The following RIPK1 variants were observed in gnomAD, a reference collection of about 807,000 sequenced individuals.
RIPK1 encodes the protein receptor-interacting serine/threonine-protein kinase 1.
A neutral mutation model predicts 62.4 loss-of-function variants in RIPK1; 27 were observed. That is an observed-to-expected ratio of 0.43 (90% confidence interval 0.32 to 0.60). RIPK1 has a LOEUF of 0.60. Ranked by LOEUF, RIPK1 falls within the 20% of genes least tolerant of loss-of-function variation. The probability of loss-of-function intolerance (pLI) is 0.07; values close to 1 mark genes in which losing one functional copy is unlikely to be tolerated. For synonymous variants in RIPK1, 287 were observed against 303.2 expected (o/e 0.95, Z 0.55); for missense variants, 735 against 831.0 (o/e 0.88, Z 1.42).
At position 3,114,036 on chromosome 6, in the gene RIPK1, A is replaced by G. The variant is rs939163969; in HGVS notation, c.*697A>G. The G allele has an allele frequency of 2.6e-5, 4 of 152,222 alleles. No homozygotes were observed. The highest frequency in any genetic ancestry group is 7.2e-5 in the African/African-American group (3 of 41,456). 9.4% of individuals were successfully genotyped at this position (152,222 alleles called of 1,614,324 possible). A position where few individuals can be genotyped will look rare whatever the true frequency, so the allele number is the denominator to read the frequency against. ...TAAATTATCGATTATTTTTTAATGA[A>G]TTGAATTTATATTGAGTCTTCAAAT... is the stretch of plus-strand genomic sequence containing the variant. On this transcript the variant is annotated 3_prime_UTR_variant, in exon 11 of 11. Coordinates refer to ENST00000259808, the MANE Select transcript of RIPK1 (RefSeq NM_001354930.2). The surrounding 1 kb of genome is among the most constrained non-coding windows in gnomAD (Gnocchi z 5.0).
At chr6:3,065,084 A>G (rs1436545494), upstream of RIPK1, among the ~76,000 whole-genome samples, 1 of 151,600 alleles carries the variant, frequency 6.6e-6, no homozygotes, top group African/African-American at 2.4e-5. Context: ...CTACTAAAAA[A>G]AAGAAAAAAA....
At chr6:3,066,099 C>G (rs1225161008), upstream of RIPK1, among the ~76,000 whole-genome samples, 3 of 152,174 alleles carry the variant, frequency 2.0e-5, no homozygotes, top group Non-Finnish European at 4.4e-5. Context: ...TCTTGGCTCA[C>G]TGCAACCTCC....
At chr6:3,085,930 T>C (rs1759666070) in intron 6 of RIPK1, among the ~76,000 whole-genome samples, 1 of 152,264 alleles carries the variant, frequency 6.6e-6, no homozygotes, top group Admixed American at 6.5e-5. Context: ...TTTCTTTCCT[T>C]TTCAAGGCTG....
At chr6:3,065,587 C>T (rs1758347012), upstream of RIPK1, among the ~76,000 whole-genome samples, 1 of 151,820 alleles carries the variant, frequency 6.6e-6, no homozygotes, top group East Asian at 2.0e-4. Context: ...CCAGGCTCAC[C>T]TGGAGGAGTC....
chr6:3,073,318 T>G (rs1167393905), intron 1 of RIPK1, among the ~76,000 whole-genome samples: 3 of 150,832 alleles, frequency 2.0e-5, no homozygotes, highest in Admixed American at 6.6e-5. Flanking sequence ...GAACGTATAC[T>G]TTTTTTTTCT....
At chr6:3,077,639 G>T (rs529755370) in intron 2 of RIPK1, 140 bp from the exon 3 acceptor site, 4 of 829,884 alleles carry the variant, frequency 4.8e-6, no homozygotes, top group Non-Finnish European at 7.3e-6. Context: ...GCCTTCTAAC[G>T]CTTCTGGCCT....
At chr6:3,087,491 C>T (rs181596213) in intron 6 of RIPK1, among the ~76,000 whole-genome samples, 2 of 149,100 alleles carry the variant, frequency 1.3e-5, no homozygotes, top group Admixed American at 1.3e-4. Context: ...TAAGTTCTAT[C>T]ATTCTGTCTT....
intron 1 of RIPK1, among the ~76,000 whole-genome samples, chr6:3,071,742 A>C (rs1758722085): frequency 6.6e-6 from 1 of 152,218 alleles, no homozygotes; most frequent in Admixed American, 6.5e-5. Context: ...TGTAAGGAGA[A>C]CTGACTTGGG....
chr6:3,083,090 A>G lies in RIPK1; in HGVS notation c.465A>G (p.Ala155=). Residue 155 remains alanine (A), a synonymous_variant, in exon 5 of 11, where the codon GCA becomes GCG. Transcript: ENST00000259808. ...LVDNDFHIKI[A]DLGLASFKMW... The stretch of plus-strand genomic sequence containing the variant: ...TGGCTCAATGTCTTTCGCAGATCGC[A>G]GACCTCGGCCTTGCCTCCTTTAAGA... 1.9e-6 allele frequency: 3 copies of G among 1,613,958 alleles called. 1 individual carries two copies. Among genetic ancestry groups the G allele is most frequent in the Admixed American group, 1.7e-5 (1 of 60,010 alleles).
intron 1 of RIPK1, among the ~76,000 whole-genome samples, chr6:3,074,378 T>C (rs539969870): frequency 2.6e-4 from 39 of 152,386 alleles, no homozygotes; most frequent in African/African-American, 9.4e-4. Flanking sequence ...CAGTAGTTCA[T>C]TTTTATTGCT....
chr6:3,109,404 G>A (rs1339818338), intron 9 of RIPK1, among the ~76,000 whole-genome samples: 8 of 152,176 alleles, frequency 5.3e-5, no homozygotes, highest in Non-Finnish European at 1.2e-4. Flanking sequence ...TCTCTGGAGT[G>A]GAGACAGGGA....
intron 7 of RIPK1, among the ~76,000 whole-genome samples, chr6:3,099,138 AG>A (rs1760469949): frequency 6.6e-6 from 1 of 152,260 alleles, no homozygotes; most frequent in African/African-American, 2.4e-5. Flanking sequence ...CAAGGTATAA[AG>A]AAAAAGATTA....
Position 3,105,108 on chromosome 6 carries a change from T to G in RIPK1, c.1007-374T>G, listed in dbSNP as rs575320362. ...CTCAGGTGATCCGTCCGCCTCAGCC[T>G]CCCAACGTGCTAGGATTACAGGCGT... is the stretch of plus-strand genomic sequence containing the variant. On this transcript the variant is annotated intron_variant, in intron 8 of 10. Transcript: ENST00000259808. The surrounding 1 kb of genome is among the most constrained non-coding windows in gnomAD (Gnocchi z 4.5). 1.2e-4 allele frequency among the ~76,000 whole-genome samples: 18 copies of G among 152,262 alleles called. No individual in the cohort carries two copies. In the South Asian group the frequency reaches 3.7e-3, roughly 32 times the overall value.
At chr6:3,088,873 G>T in intron 6 of RIPK1, 1 of 152,394 alleles carries the variant, frequency 6.6e-6, no homozygotes. Flanking sequence ...AGAAAGAGCA[G>T]GCTTTAGTTG....
chr6:3,069,396 T>C (rs1758572181), intron 1 of RIPK1, among the ~76,000 whole-genome samples: 1 of 152,058 alleles, frequency 6.6e-6, no homozygotes, highest in South Asian at 2.1e-4. Flanking sequence ...CTCTTGAGGG[T>C]TGGGAAGAGG....
At chr6:3,073,218 TATATACAC>T (rs1260408639) in intron 1 of RIPK1, among the ~76,000 whole-genome samples, 1 of 136,808 alleles carries the variant, frequency 7.3e-6, no homozygotes, top group Non-Finnish European at 1.6e-5. Context: ...AATATGTGTA[TATATACAC>T]ACATATACAT....
rs189338745 is a variant in RIPK1 at position 3,085,657 on chromosome 6, T to C, written c.838+249T>C. Among the ~76,000 whole-genome samples, 362 of 152,370 alleles carry C rather than the reference T, an allele frequency of 2.4e-3. 1 individual carries two copies. The highest frequency in any genetic ancestry group is 8.3e-3 in the African/African-American group (344 of 41,590). On this transcript the variant is annotated intron_variant, in intron 6 of 10. Coordinates refer to ENST00000259808, the MANE Select transcript of RIPK1 (RefSeq NM_001354930.2). ...TAACTTTTTAACTTGGGTTTAAATA[T>C]ACGTAACATGAAATTTAACATTGTA...
intron 4 of RIPK1, among the ~76,000 whole-genome samples, chr6:3,081,418 T>G (rs1349231700): frequency 2.0e-5 from 3 of 152,176 alleles, no homozygotes; most frequent in Non-Finnish European, 4.4e-5. Flanking sequence ...TTAGAAACAT[T>G]CAAGGGTTGC....
intron 4 of RIPK1, among the ~76,000 whole-genome samples, chr6:3,082,677 C>T (rs1169270636): frequency 6.6e-6 from 1 of 152,208 alleles, no homozygotes; most frequent in Non-Finnish European, 1.5e-5. Flanking sequence ...TATTTAGCCA[C>T]TGTCTGCTGC....
Sources: allele counts gnomAD v4.1 joint callset (sites outside exome capture counted in the v4.1 genomes callset), GRCh38; gene constraint gnomAD v4.1.1; non-coding constraint Gnocchi (gnomAD v3.1); transcripts MANE v1.5; gene names NCBI Gene and HGNC (gene_info 2026-07-23, HGNC 2026-07-21).